The following GRIK2 variants were observed in gnomAD, a reference collection of about 807,000 sequenced individuals.
GRIK2 encodes glutamate ionotropic receptor kainate type subunit 2, also known as glutamate receptor ionotropic, kainate 2.
Under a neutral mutation model 100.3 loss-of-function variants are expected in GRIK2, and 32 were observed. The ratio of observed to expected loss-of-function variants is 0.32; its 90% CI spans 0.24 to 0.43. GRIK2 has a LOEUF of 0.43. GRIK2 is among the 20% of genes least tolerant of loss of function. The probability of loss-of-function intolerance (pLI) is 1.00; values close to 1 mark genes in which losing one functional copy is unlikely to be tolerated. For synonymous variants in GRIK2, 417 were observed against 389.4 expected (o/e 1.07, Z -0.83); for missense variants, 843 against 1,114.9 (o/e 0.76, Z 3.47).
intron 14 of GRIK2, among the ~76,000 whole-genome samples, chr6:102,024,362 G>A (rs1769581800): frequency 6.6e-6 from 1 of 151,184 alleles, no homozygotes; most frequent in Non-Finnish European, 1.5e-5. Flanking sequence ...AAATCAGCAA[G>A]TACCACAAGT....
At chr6:101,423,952 A>G (rs1776549159) in intron 2 of GRIK2, among the ~76,000 whole-genome samples, 1 of 152,166 alleles carries the variant, frequency 6.6e-6, no homozygotes, top group East Asian at 1.9e-4. Flanking sequence ...AAGAAATTAT[A>G]TGGAATGTAA....
intron 2 of GRIK2, among the ~76,000 whole-genome samples, chr6:101,576,274 A>C (rs1202867209): frequency 6.6e-6 from 1 of 151,992 alleles, no homozygotes; most frequent in Non-Finnish European, 1.5e-5. Context: ...TTTCCAAGGG[A>C]CATTTCAAAC....
chr6:101,929,345 T>C (rs1185407193), intron 14 of GRIK2, among the ~76,000 whole-genome samples: 4 of 152,244 alleles, frequency 2.6e-5, no homozygotes, highest in Non-Finnish European at 5.9e-5. Flanking sequence ...TACCACTTTA[T>C]AATTCCTTTT....
intron 2 of GRIK2, among the ~76,000 whole-genome samples, chr6:101,514,264 G>A (rs1469144676): frequency 1.3e-5 from 2 of 151,786 alleles, no homozygotes; most frequent in African/African-American, 4.9e-5. Context: ...ATAGACACAA[G>A]TGATATGGCT....
chr6:101,711,864 T>G (rs1311786000), intron 7 of GRIK2, among the ~76,000 whole-genome samples: 2 of 151,744 alleles, frequency 1.3e-5, no homozygotes, highest in Non-Finnish European at 2.9e-5. Flanking sequence ...GTAAATAACA[T>G]TTTTTTCCTC....
chr6:101,620,171 A>C (rs1364460099), intron 2 of GRIK2: 2 of 724,388 alleles, frequency 2.8e-6, no homozygotes, highest in East Asian at 2.6e-4. Flanking sequence ...CAGAATGTTA[A>C]ACCCGGTCTA....
chr6:101,510,991 G>A (rs1378635095), intron 2 of GRIK2, among the ~76,000 whole-genome samples: 1 of 152,136 alleles, frequency 6.6e-6, no homozygotes, highest in Non-Finnish European at 1.5e-5. Context: ...AGCATGGGGA[G>A]ACTTTATCAA....
intron 2 of GRIK2, among the ~76,000 whole-genome samples, chr6:101,536,301 AAGT>A (rs1361368817): frequency 6.6e-6 from 1 of 151,664 alleles, no homozygotes; most frequent in Non-Finnish European, 1.5e-5. Flanking sequence ...ACCAGAAAAA[AAGT>A]ATGCAATTTT....
intron 7 of GRIK2, among the ~76,000 whole-genome samples, chr6:101,737,290 G>T (rs1032145885): frequency 2.6e-5 from 4 of 152,084 alleles, no homozygotes; most frequent in African/African-American, 7.2e-5. Context: ...CACTCTACTA[G>T]TTCCAATTTA....
chr6:101,655,351 T>G (rs1201219483), intron 4 of GRIK2, among the ~76,000 whole-genome samples: 1 of 152,158 alleles, frequency 6.6e-6, no homozygotes, highest in Admixed American at 6.5e-5. Flanking sequence ...GATCATTACC[T>G]AGATATTTTG....
At chr6:101,850,407 C>T (rs1273301260) in intron 10 of GRIK2, among the ~76,000 whole-genome samples, 2 of 151,810 alleles carry the variant, frequency 1.3e-5, no homozygotes, top group Non-Finnish European at 2.9e-5. Flanking sequence ...ATATTTTATA[C>T]ATATCACATT....
chr6:101,928,342 A>G, intron 13 of GRIK2, 73 bp from the exon 14 acceptor site: 1 of 803,714 alleles, frequency 1.2e-6, no homozygotes, highest in Non-Finnish European at 2.2e-6. Flanking sequence ...CCATTCTGCC[A>G]CTGTGACAAA....
chr6:101,995,631 G>T (rs996408175), intron 14 of GRIK2, among the ~76,000 whole-genome samples: 3 of 151,912 alleles, frequency 2.0e-5, no homozygotes, highest in African/African-American at 7.2e-5. Context: ...AGAGCTGACA[G>T]AGGTTGAGAT....
At chr6:101,717,947 C>A (rs905064651) in intron 7 of GRIK2, among the ~76,000 whole-genome samples, 1 of 151,504 alleles carries the variant, frequency 6.6e-6, no homozygotes, top group Non-Finnish European at 1.5e-5. Flanking sequence ...TTACACAATG[C>A]CATATTAAGT....
At chr6:101,660,617 C>A (rs756811187) in intron 4 of GRIK2, among the ~76,000 whole-genome samples, 1 of 152,136 alleles carries the variant, frequency 6.6e-6, no homozygotes, top group African/African-American at 2.4e-5. Flanking sequence ...GATTTATCTA[C>A]CTTTGGTGTC....
At chr6:102,006,927 A>ATAAT (rs757094996) in intron 14 of GRIK2, among the ~76,000 whole-genome samples, 8 of 152,234 alleles carry the variant, frequency 5.3e-5, no homozygotes, top group African/African-American at 1.9e-4. Context: ...TTAAATGGAA[A>ATAAT]TAATTAATAT....
intron 12 of GRIK2, among the ~76,000 whole-genome samples, chr6:101,897,105 T>G (rs1448785583): frequency 6.6e-6 from 1 of 151,448 alleles, no homozygotes; most frequent in Non-Finnish European, 1.5e-5. Context: ...ATTTGGACAA[T>G]GGAGTGTAGT....
chr6:101,868,115 T>C (rs1463635953), intron 11 of GRIK2, among the ~76,000 whole-genome samples: 1 of 149,884 alleles, frequency 6.7e-6, no homozygotes, highest in East Asian at 1.9e-4. Context: ...ATCCTATTAA[T>C]AATTTTGCCC....
At chr6:101,628,620 C>T (rs1294775558) in intron 4 of GRIK2, among the ~76,000 whole-genome samples, 1 of 151,930 alleles carries the variant, frequency 6.6e-6, no homozygotes, top group African/African-American at 2.4e-5. Flanking sequence ...CAAATTGGTC[C>T]ACTTATGTTT....
Sources: gnomAD v4.1 joint callset for allele counts (sites outside exome capture counted in the v4.1 genomes callset) on GRCh38, gnomAD v4.1.1 for gene constraint, MANE v1.5 for transcripts, NCBI Gene and HGNC (gene_info 2026-07-23, HGNC 2026-07-21) for gene names.